Variants in GHR observed in about 807,000 individuals in gnomAD.
The protein encoded by GHR is GH receptor.
A neutral mutation model predicts 67.1 loss-of-function variants in GHR; 35 were observed. The observed-to-expected ratio is 0.52, with a 90% CI of 0.40 to 0.69. The LOEUF is 0.69. Ranked by LOEUF, GHR falls within the 30% of genes least tolerant of loss-of-function variation. The pLI, the probability that GHR is intolerant of heterozygous loss-of-function variation, is 0.00. For missense variants in GHR, 792 were observed against 764.6 expected, an observed-to-expected ratio of 1.04 and a Z score of -0.42; for synonymous variants, 272 against 269.1, an observed-to-expected ratio of 1.01 and a Z score of -0.10.
chr5:42,618,714 C>A (rs553828854), intron 2 of GHR, among the ~76,000 whole-genome samples: 1 of 152,230 alleles, frequency 6.6e-6, no homozygotes, highest in South Asian at 2.1e-4. Context: ...CTGCTCAGTA[C>A]TTCACATACA....
In GHR at chr5:42,550,552, T is replaced by C. The variant is rs540066005; in HGVS notation, c.-11-15312T>C. ...GAAAATAATTTTCTAAGGAAAAAAA[T>C]TGTGATTGGTGTTCTGTCCTGAACT... On this transcript the variant is annotated intron_variant, in intron 1 of 9. Coordinates refer to ENST00000230882, the MANE Select transcript of GHR (RefSeq NM_000163.5). 2.2e-4 allele frequency among the ~76,000 whole-genome samples: 34 copies of C among 152,280 alleles called. No homozygotes were observed. The South Asian group carries it at 5.8e-3, about 26-fold the overall frequency.
intron 1 of GHR, among the ~76,000 whole-genome samples, chr5:42,525,048 G>A (rs908177078): frequency 1.3e-5 from 2 of 152,208 alleles, no homozygotes; most frequent in African/African-American, 2.4e-5. Context: ...GAAATGTGGG[G>A]TCAGAGCCCC....
chr5:42,463,271 C>G (rs1744564676), intron 1 of GHR, among the ~76,000 whole-genome samples: 1 of 152,152 alleles, frequency 6.6e-6, no homozygotes, highest in East Asian at 1.9e-4. Context: ...GAGAGAGAAG[C>G]TGAATAGACA....
At chr5:42,541,928 G>A (rs1288944339) in intron 1 of GHR, among the ~76,000 whole-genome samples, 1 of 152,152 alleles carries the variant, frequency 6.6e-6, no homozygotes, top group Admixed American at 6.6e-5. Flanking sequence ...GGTTTTATAA[G>A]TTTGAGACGC....
chr5:42,463,979 C>A (rs1186075889), intron 1 of GHR, among the ~76,000 whole-genome samples: 2 of 105,274 alleles, frequency 1.9e-5, no homozygotes, highest in African/African-American at 7.9e-5. Context: ...GGCGACAGAG[C>A]GAGACTCCGT....
chr5:42,479,788 T>A (rs1383100500), intron 1 of GHR, among the ~76,000 whole-genome samples: 3 of 152,196 alleles, frequency 2.0e-5, no homozygotes, highest in African/African-American at 7.2e-5. Flanking sequence ...TCTTCTTTAT[T>A]AGTCTTGCTA....
chr5:42,425,066 T>G (rs948143840), intron 1 of GHR: 1 of 954,184 alleles, frequency 1.0e-6, no homozygotes, highest in Non-Finnish European at 1.2e-6. Flanking sequence ...TGTTGGGAAG[T>G]CAGAGTAGTT....
chr5:42,714,137 AC>A (rs1758605685), intron 8 of GHR: 2 of 152,634 alleles, frequency 1.3e-5, no homozygotes, highest in African/African-American at 4.8e-5. Flanking sequence ...CGAACTCCTG[AC>A]CTCAGGTGAT....
intron 2 of GHR, among the ~76,000 whole-genome samples, chr5:42,587,797 T>G (rs767303238): frequency 1.3e-5 from 2 of 152,062 alleles, no homozygotes; most frequent in African/African-American, 2.4e-5. Flanking sequence ...TGGGACCATA[T>G]GCCCTCCCCG....
At chr5:42,715,082 T>C (rs1397541314) in intron 8 of GHR, 5 of 368,324 alleles carry the variant, frequency 1.4e-5, no homozygotes. Flanking sequence ...GTGCTTTTTA[T>C]AAATAATGAA....
intron 3 of GHR, among the ~76,000 whole-genome samples, chr5:42,662,570 A>G (rs535070712): frequency 1.3e-5 from 2 of 152,328 alleles, no homozygotes; most frequent in East Asian, 3.9e-4. Flanking sequence ...GAACAAAGAC[A>G]CAACATACCA....
intron 1 of GHR, among the ~76,000 whole-genome samples, chr5:42,545,368 A>T (rs1748691454): frequency 6.6e-6 from 1 of 152,208 alleles, no homozygotes; most frequent in Non-Finnish European, 1.5e-5. Context: ...TGGAAAAAAA[A>T]TAAAAAATAA....
At chr5:42,590,312 A>C (rs1751707692) in intron 2 of GHR, among the ~76,000 whole-genome samples, 2 of 152,248 alleles carry the variant, frequency 1.3e-5, no homozygotes, top group Admixed American at 1.3e-4. Flanking sequence ...GACAGTTTAC[A>C]TATAACCATT....
chr5:42,469,064 A>G (rs1429967457), intron 1 of GHR, among the ~76,000 whole-genome samples: 1 of 152,276 alleles, frequency 6.6e-6, no homozygotes, highest in Non-Finnish European at 1.5e-5. Flanking sequence ...TTTATGACAA[A>G]TTAAAAGATA....
rs1758952257 is a variant in GHR at position 42,720,221 on chromosome 5, A to C, written c.*797A>C. ...ATATAATTGTTTTATCTGAATTTTT[A>C]AACAAGTATTTGTTAATTTAGAAAA... On this transcript the variant is annotated 3_prime_UTR_variant, in exon 10 of 10. Transcript: ENST00000230882. The C allele has an allele frequency of 1.3e-5, 2 of 152,292 alleles. No individual in the cohort carries two copies. The highest frequency in any genetic ancestry group is 4.8e-5 in the African/African-American group (2 of 41,474). 9.4% of individuals were successfully genotyped at this position (152,292 alleles called of 1,614,324 possible).
chr5:42,715,221 G>A, intron 8 of GHR: 1 of 249,122 alleles, frequency 4.0e-6, no homozygotes, highest in Non-Finnish European at 8.2e-6. Context: ...TTTTTTATTT[G>A]CCCATTAAAA....
intron 8 of GHR, chr5:42,715,244 G>A (rs142353322): frequency 2.0e-5 from 5 of 251,492 alleles, no homozygotes; most frequent in African/African-American, 1.2e-4. Context: ...GCTTATCATT[G>A]TCTAAATTTG....
At chr5:42,480,113 C>T (rs577530703) in intron 1 of GHR, among the ~76,000 whole-genome samples, 1 of 152,282 alleles carries the variant, frequency 6.6e-6, no homozygotes, top group East Asian at 1.9e-4. Flanking sequence ...TTTCAAAGAA[C>T]ATCTTTATTT....
At chr5:42,680,054 A>G (rs1357540806) in intron 3 of GHR, among the ~76,000 whole-genome samples, 2 of 152,264 alleles carry the variant, frequency 1.3e-5, no homozygotes, top group African/African-American at 4.8e-5. Context: ...GTGTTTTTAA[A>G]TAACTGATAC....
Sources: allele counts gnomAD v4.1 joint callset (sites outside exome capture counted in the v4.1 genomes callset), GRCh38; gene constraint gnomAD v4.1.1; transcripts MANE v1.5; gene names NCBI Gene and HGNC (gene_info 2026-07-23, HGNC 2026-07-21).